The following IL21R variants were observed in gnomAD, a reference collection of about 807,000 sequenced individuals.
The protein encoded by IL21R is interleukin-21 receptor.
In IL21R, 14 loss-of-function variants were observed where a neutral mutation model predicts 41.3. The ratio of observed to expected loss-of-function variants is 0.34; its 90% confidence interval spans 0.22 to 0.53. The LOEUF is 0.53. Ranked by LOEUF, IL21R falls within the 20% of genes least tolerant of loss-of-function variation. The pLI is 0.94. For missense variants in IL21R, 588 were observed against 681.6 expected (o/e 0.86, Z 1.53); for synonymous variants, 286 against 287.6 (o/e 0.99, Z 0.05).
intron 1 of IL21R, among the ~76,000 whole-genome samples, chr16:27,407,249 G>A (rs2086762241): frequency 6.6e-6 from 1 of 152,220 alleles, no homozygotes. Flanking sequence ...GCCTCTGAGA[G>A]CTCATGCTTC....
chr16:27,426,470 T>C (rs1261604353), intron 1 of IL21R, among the ~76,000 whole-genome samples: 1 of 152,180 alleles, frequency 6.6e-6, no homozygotes, highest in Non-Finnish European at 1.5e-5. Context: ...ATACAGCACA[T>C]GGACCATGAA....
intron 1 of IL21R, among the ~76,000 whole-genome samples, chr16:27,411,286 G>T (rs1406972046): frequency 5.3e-5 from 8 of 151,362 alleles, no homozygotes; most frequent in Non-Finnish European, 7.4e-5. Context: ...ACCACCATTT[G>T]TTCTTTTCTT....
At chr16:27,412,383 T>TCTTCTC (rs372615173) in intron 1 of IL21R, among the ~76,000 whole-genome samples, 31 of 151,856 alleles carry the variant, frequency 2.0e-4, no homozygotes, top group African/African-American at 3.4e-4. Flanking sequence ...CCTCCAGCTT[T>TCTTCTC]CTTCTCCTTC....
intron 1 of IL21R, among the ~76,000 whole-genome samples, chr16:27,412,792 A>T (rs1168484391): frequency 6.6e-6 from 1 of 152,156 alleles, no homozygotes; most frequent in Non-Finnish European, 1.5e-5. Flanking sequence ...TTGTTAATGT[A>T]AAAAATGCAA....
At chr16:27,425,752 C>T (rs1276836808) in intron 1 of IL21R, among the ~76,000 whole-genome samples, 4 of 152,010 alleles carry the variant, frequency 2.6e-5, no homozygotes, top group Non-Finnish European at 4.4e-5. Context: ...GATGGGGTTT[C>T]GCCGTGTTGG....
At chr16:27,442,007 G>C (rs1001030178) in intron 4 of IL21R, among the ~76,000 whole-genome samples, 1 of 152,176 alleles carries the variant, frequency 6.6e-6, no homozygotes, top group African/African-American at 2.4e-5. Context: ...GTGAGATCCT[G>C]TCTCTAGGGG....
intron 4 of IL21R, among the ~76,000 whole-genome samples, chr16:27,440,007 G>A (rs1236506409): frequency 6.6e-6 from 1 of 151,968 alleles, no homozygotes; most frequent in East Asian, 1.9e-4. Context: ...CTGCCCCGGG[G>A]AAGACAAAAG....
intron 1 of IL21R, among the ~76,000 whole-genome samples, chr16:27,406,888 C>T (rs1323189479): frequency 6.6e-6 from 1 of 152,188 alleles, no homozygotes; most frequent in Non-Finnish European, 1.5e-5. Flanking sequence ...GACCCAGGGC[C>T]ACTGGGCTAG....
chr16:27,408,717 C>T (rs948136153), intron 1 of IL21R, among the ~76,000 whole-genome samples: 1 of 152,254 alleles, frequency 6.6e-6, no homozygotes, highest in Non-Finnish European at 1.5e-5. Flanking sequence ...AGTCCCTCTT[C>T]GCCCACCTCA....
intron 1 of IL21R, among the ~76,000 whole-genome samples, chr16:27,419,486 G>C (rs1291712070): frequency 2.0e-5 from 3 of 152,198 alleles, no homozygotes. Flanking sequence ...GGAGTGCAGT[G>C]GCACAATCTT....
chr16:27,411,759 C>T (rs551679092), intron 1 of IL21R, among the ~76,000 whole-genome samples: 13 of 152,018 alleles, frequency 8.6e-5, no homozygotes, highest in South Asian at 2.1e-4. Flanking sequence ...CCACCACACC[C>T]GGCCATTTTT....
At chr16:27,446,137 C>A (rs1437878395) in intron 8 of IL21R, 49 bp downstream of exon 8, 1 of 1,498,920 alleles carries the variant, frequency 6.7e-7, no homozygotes, top group South Asian at 1.2e-5. Context: ...TCCTCCTCTT[C>A]AGGAGCCCCA....
intron 2 of IL21R, among the ~76,000 whole-genome samples, chr16:27,433,658 G>T (rs1459921340): frequency 6.6e-6 from 1 of 152,148 alleles, no homozygotes; most frequent in African/African-American, 2.4e-5. Context: ...AGGATGGAAA[G>T]GTGTTAAATC....
chr16:27,412,551 G>C (rs1423856593), intron 1 of IL21R, among the ~76,000 whole-genome samples: 1 of 151,644 alleles, frequency 6.6e-6, no homozygotes, highest in East Asian at 1.9e-4. Context: ...TTTTGATAGG[G>C]TTTATATTAA....
chr16:27,418,648 G>T (rs188869650), intron 1 of IL21R, among the ~76,000 whole-genome samples: 14 of 152,272 alleles, frequency 9.2e-5, no homozygotes, highest in Admixed American at 6.5e-4. Context: ...GGGATTACAG[G>T]CATGAGCCGC....
rs571975774 is a variant in IL21R, at chr16:27,451,346, T to C, written c.*2063T>C. On this transcript the variant is annotated 3_prime_UTR_variant, in exon 9 of 9. Transcript: ENST00000337929. ...GGCCTGAGGCCAGATTGGGGGACTCTGGACTGGGGCAGATGAGGCTCCTCA... is the reference window on the plus strand; with the variant it reads ...GGCCTGAGGCCAGATTGGGGGACTCCGGACTGGGGCAGATGAGGCTCCTCA... 2.7e-4 allele frequency: 61 copies of C among 226,708 alleles called. No homozygotes were observed. Among genetic ancestry groups the C allele is most frequent in the African/African-American group, 1.2e-3 (54 of 45,062 alleles). The allele number at this position is 226,708 out of a possible 1,614,324, so 14.0% of individuals were successfully genotyped here. A position where few individuals can be genotyped will look rare whatever the true frequency, so the allele number is the denominator to read the frequency against.
intron 1 of IL21R, among the ~76,000 whole-genome samples, chr16:27,416,769 C>T (rs1411504339): frequency 1.3e-5 from 2 of 152,334 alleles, no homozygotes; most frequent in East Asian, 1.9e-4. Context: ...CTGTTACTCT[C>T]TATCCCCCCT....
intron 4 of IL21R, 178 bp from the exon 5 acceptor site, chr16:27,442,784 C>A: frequency 1.9e-6 from 1 of 527,750 alleles, no homozygotes; most frequent in Non-Finnish European, 3.3e-6. Flanking sequence ...TAAACTGAAG[C>A]CCAGAGTTGG....
chr16:27,431,261 T>C (rs997739033), intron 2 of IL21R, among the ~76,000 whole-genome samples: 3 of 152,194 alleles, frequency 2.0e-5, no homozygotes, highest in African/African-American at 7.2e-5. Flanking sequence ...AGCATCCTCA[T>C]CTTGGTTCTA....
Sources: gnomAD v4.1 joint callset for allele counts (sites outside exome capture counted in the v4.1 genomes callset) on GRCh38, gnomAD v4.1.1 for gene constraint, MANE v1.5 for transcripts, NCBI Gene and HGNC (gene_info 2026-07-23, HGNC 2026-07-21) for gene names.